SLC4A3: variants seen among roughly 807,000 people sequenced by gnomAD.
The protein encoded by SLC4A3 is anion exchange protein 3.
SLC4A3 carries 47 observed loss-of-function variants against 114.2 expected under a neutral mutation model. The observed-to-expected ratio is 0.41, with a 90% CI of 0.33 to 0.52. SLC4A3 has a LOEUF of 0.52. Among genes scored for constraint, SLC4A3 ranks in the 20% least tolerant of loss-of-function variants. The pLI is 0.21. For missense variants in SLC4A3, 1,312 were observed against 1,668.3 expected (o/e 0.79, Z 3.72); for synonymous variants, 693 against 710.3 (o/e 0.98, Z 0.39).
Position 219,630,459 on chromosome 2 carries a change from C to A in SLC4A3, c.811+107C>A. On this transcript the variant is annotated intron_variant, in intron 6 of 22. Coordinates refer to ENST00000358055, the MANE Select transcript of SLC4A3 (RefSeq NM_005070.4). This position sits in a 1 kb window ranked among gnomAD's most constrained non-coding sequence, Gnocchi z 6.9. The stretch of plus-strand genomic sequence containing the variant: ...TGTCCCCTGCTAAGGGCTGAGTCCT[C>A]TCTGAATCCCTGTCTGCTGGGATGT... 4.2e-6 allele frequency: 5 copies of A among 1,193,944 alleles called. No homozygotes were observed. Among genetic ancestry groups the A allele is most frequent in the Non-Finnish European group, 5.8e-6 (5 of 868,880 alleles). The allele number at this position is 1,193,944 out of a possible 1,614,324, so 74.0% of individuals were successfully genotyped here.
Position 219,636,270 on chromosome 2 carries a change from A to G in SLC4A3, c.2192-32A>G. 6.2e-7 allele frequency: 1 copy of G among 1,611,600 alleles called. No homozygotes were observed. Among genetic ancestry groups the G allele is most frequent in the Non-Finnish European group, 8.5e-7 (1 of 1,179,594 alleles). ...AAGAAGGGGGCAGATAGACAGAGCCAGGCTAGGGCCATCCTACCCGTGCTA... is the reference window on the plus strand; with the variant it reads ...AAGAAGGGGGCAGATAGACAGAGCCGGGCTAGGGCCATCCTACCCGTGCTA... On this transcript the variant is annotated intron_variant, in intron 14 of 22. Coordinates refer to ENST00000358055, the MANE Select transcript of SLC4A3 (RefSeq NM_005070.4). The surrounding 1 kb of genome is among the most constrained non-coding windows in gnomAD (Gnocchi z 5.5).
rs1269223585 is a variant in SLC4A3, at chr2:219,630,424, G to A, written c.811+72G>A. On this transcript the variant is annotated intron_variant, in intron 6 of 22. Coordinates refer to ENST00000358055, the MANE Select transcript of SLC4A3 (RefSeq NM_005070.4). This position sits in a 1 kb window ranked among gnomAD's most constrained non-coding sequence, Gnocchi z 6.9. ...CCCAGCCTGCGAGTGACCTTGGAGAGGCTCTGAGCTGTCCCCTGCTAAGGG... is the reference window on the plus strand; with the variant it reads ...CCCAGCCTGCGAGTGACCTTGGAGAAGCTCTGAGCTGTCCCCTGCTAAGGG... The A allele has an allele frequency of 3.4e-6, 5 of 1,484,912 alleles. No homozygotes were observed. The South Asian group carries it at 3.9e-5, about 11-fold the overall frequency. The allele number at this position is 1,484,912 out of a possible 1,614,324, so 92.0% of individuals were successfully genotyped here.
Position 219,630,269 on chromosome 2 carries a change from A to C in SLC4A3, c.728A>C (p.Asn243Thr), listed in dbSNP as rs1376831483. 6.2e-7 allele frequency: 1 copy of C among 1,613,406 alleles called. No homozygotes were observed. Among genetic ancestry groups the C allele is most frequent in the South Asian group, 1.1e-5 (1 of 91,074 alleles). ...CTGTGCCCAGGCAGTGCCCTGGGCA[A>C]CCCAGGTGGTCCAGAGCAGCAGGTG... ...ERLCPGSALG[N>T]PGGPEQQVPT... Residue 243 changes from asparagine to threonine, a missense_variant, in exon 6 of 23, where the codon AAC becomes ACC. By Grantham distance (65) the Asn-to-Thr change is moderately conservative. Around this residue, in one of 4 missense-constraint regions of SLC4A3, gnomAD observed 771 missense variants for 977.7 expected, o/e 0.79. Coordinates refer to ENST00000358055, the MANE Select transcript of SLC4A3 (RefSeq NM_005070.4). This position sits in a 1 kb window ranked among gnomAD's most constrained non-coding sequence, Gnocchi z 6.9.
At chr2:219,627,837 T>A in intron 1 of SLC4A3, 63 bp from the exon 2 acceptor site, 1 of 587,722 alleles carries the variant, frequency 1.7e-6, no homozygotes, top group Non-Finnish European at 2.9e-6. Flanking sequence ...GCCGGGAGCG[T>A]GCATCCGGCT....
At chr2:219,629,778 C>A in intron 5 of SLC4A3, 83 bp downstream of exon 5, 1 of 881,842 alleles carries the variant, frequency 1.1e-6, no homozygotes, top group Non-Finnish European at 1.7e-6. Context: ...CCTTCCTGAC[C>A]CTGGGGAGTG....
rs1300147045 is a variant in SLC4A3, at chr2:219,628,435, A to T, written c.82A>T (p.Ser28Cys). The T allele has an allele frequency of 6.2e-7, 1 of 1,613,110 alleles. No homozygotes were observed. Among genetic ancestry groups the T allele is most frequent in the Admixed American group, 1.7e-5 (1 of 59,814 alleles). The change falls in exon 3 of 23, where the codon AGT (serine) becomes TGT (cysteine). Residue 28 changes from serine to cysteine, a missense_variant. Ser to Cys is a moderately radical substitution (Grantham distance 112). Around this residue, in one of 4 missense-constraint regions of SLC4A3, gnomAD observed 236 missense variants for 212.1 expected, o/e 1.11. Coordinates refer to ENST00000358055, the MANE Select transcript of SLC4A3 (RefSeq NM_005070.4). The surrounding 1 kb of genome is among the most constrained non-coding windows in gnomAD (Gnocchi z 4.8). ...GGTGCCCTTGGAGGAGCCCCCTCTA[A>T]GTCCAGACGTGGAGGAGGAGGACGA... ...VRVPLEEPPL[S>C]PDVEEEDDDL...
rs751733145 is a variant in SLC4A3 at position 219,636,991 on chromosome 2, G to A, written c.2535+117G>A. 3.2e-6 allele frequency: 3 copies of A among 937,042 alleles called. No individual in the cohort carries two copies. The highest frequency in any genetic ancestry group is 4.9e-6 in the Non-Finnish European group (3 of 612,700). The allele number at this position is 937,042 out of a possible 1,614,324, so 58.0% of individuals were successfully genotyped here. A position where few individuals can be genotyped will look rare whatever the true frequency, so the allele number is the denominator to read the frequency against. On this transcript the variant is annotated intron_variant, in intron 16 of 22. Transcript: ENST00000358055. This position sits in a 1 kb window ranked among gnomAD's most constrained non-coding sequence, Gnocchi z 5.5. ...AGGGGACAAGGAGAGGGACTGTGTT[G>A]GGAGTGAGGGGTTCTAGGGACACCC...
intron 9 of SLC4A3, 67 bp downstream of exon 9, chr2:219,633,076 C>T: frequency 8.3e-6 from 13 of 1,573,080 alleles, no homozygotes; most frequent in Non-Finnish European, 1.1e-5. Context: ...ACATCCTCTT[C>T]CAAGTGGCTC....
intron 12 of SLC4A3, 99 bp from the exon 13 acceptor site, chr2:219,635,171 AC>A: frequency 3.4e-6 from 3 of 876,728 alleles, no homozygotes; most frequent in Non-Finnish European, 5.5e-6. Context: ...CTGAATGTCC[AC>A]CCTGCCTGTA....
At position 219,639,671 on chromosome 2, in the gene SLC4A3, C is replaced by T. The variant is rs1209229430; in HGVS notation, c.3213C>T (p.Asp1071=). The T allele has an allele frequency of 5.0e-6, 8 of 1,612,786 alleles. No homozygotes were observed. The highest frequency in any genetic ancestry group is 1.3e-5 in the African/African-American group (1 of 74,916). ...TVMRTAIAPG[D]KPQIQEVREQ... ...TGCGTACTGCCATCGCGCCTGGTGA[C>T]AAGCCCCAGATCCAGGAGGTGCGGG... The change falls in exon 20 of 23, where the codon GAC becomes GAT. Residue 1071 remains aspartate (D), a synonymous_variant. Coordinates refer to ENST00000358055, the MANE Select transcript of SLC4A3 (RefSeq NM_005070.4). The surrounding 1 kb of genome is among the most constrained non-coding windows in gnomAD (Gnocchi z 5.9).
intron 12 of SLC4A3, among the ~76,000 whole-genome samples, chr2:219,634,827 C>G (rs1254755977): frequency 1.3e-5 from 2 of 152,110 alleles, no homozygotes; most frequent in Admixed American, 1.3e-4. Context: ...AGCCCAGACC[C>G]CAGAGCTTTG....
rs2106196234 is a variant in SLC4A3, at chr2:219,636,102, G to A, written c.2192-200G>A. Among the ~76,000 whole-genome samples, 2 of 152,290 alleles carry A rather than the reference G, an allele frequency of 1.3e-5. No individual in the cohort carries two copies. Among genetic ancestry groups the A allele is most frequent in the East Asian group, 3.9e-4 (2 of 5,176 alleles). The stretch of plus-strand genomic sequence containing the variant: ...TATAAAGTGAGGGTGTGGGAGAGGT[G>A]TAAGGGATGAGGGATCCTGTGATCA... On this transcript the variant is annotated intron_variant, in intron 14 of 22. Transcript: ENST00000358055. This position sits in a 1 kb window ranked among gnomAD's most constrained non-coding sequence, Gnocchi z 5.5.
intron 12 of SLC4A3, 116 bp downstream of exon 12, chr2:219,634,720 C>CCATG: frequency 8.9e-7 from 1 of 1,128,602 alleles, no homozygotes; most frequent in Non-Finnish European, 1.2e-6. Context: ...TGGGTGGAGG[C>CCATG]CATGCCCTGG....
Position 219,629,369 on chromosome 2 carries a change from C to A in SLC4A3, c.443C>A (p.Ser148Tyr). The A allele has an allele frequency of 1.9e-6, 3 of 1,600,844 alleles. No individual in the cohort carries two copies. Among genetic ancestry groups the A allele is most frequent in the Non-Finnish European group, 2.6e-6 (3 of 1,173,198 alleles). Residue 148 changes from serine (S) to tyrosine (Y), a missense_variant, in exon 4 of 23, where the codon TCT becomes TAT. Coordinates refer to ENST00000358055, the MANE Select transcript of SLC4A3 (RefSeq NM_005070.4). ...EEEEEEEEGESEAEPVEPPHS... is the reference protein window; with the variant it reads ...EEEEEEEEGEYEAEPVEPPHS... Reference sequence around the variant, plus strand: ...GAAGAGGAGGAAGAGGAAGGAGAATCTGAGGCAGAACCTGTGGAGCCCCCC... The same window carrying A: ...GAAGAGGAGGAAGAGGAAGGAGAATATGAGGCAGAACCTGTGGAGCCCCCC...
rs1211868446 is a variant in SLC4A3, at chr2:219,635,503, C to G, written c.1972+7C>G. On this transcript the variant is annotated splice_region_variant and intron_variant, in intron 13 of 22. Transcript: ENST00000358055. ...TACACGGCCCCTGGGAAAGGTCAGACCCTTGGAGGCTGAGTGCCCCCAATA... is the reference window on the plus strand; with the variant it reads ...TACACGGCCCCTGGGAAAGGTCAGAGCCTTGGAGGCTGAGTGCCCCCAATA... 1 of 1,597,168 alleles carries G rather than the reference C, an allele frequency of 6.3e-7. No individual in the cohort carries two copies. The highest frequency in any genetic ancestry group is 1.7e-5 in the Admixed American group (1 of 57,954).
At position 219,637,848 on chromosome 2, in the gene SLC4A3, C is replaced by T. The variant is rs967867598; in HGVS notation, c.2766+37C>T. 1.3e-6 allele frequency: 2 copies of T among 1,508,888 alleles called. No individual in the cohort carries two copies. Among genetic ancestry groups the T allele is most frequent in the Admixed American group, 1.7e-5 (1 of 59,752 alleles). 93.5% of individuals were successfully genotyped at this position (1,508,888 alleles called of 1,614,324 possible). On this transcript the variant is annotated intron_variant, in intron 17 of 22. Transcript: ENST00000358055. The surrounding 1 kb of genome is among the most constrained non-coding windows in gnomAD (Gnocchi z 4.6). Reference sequence around the variant, plus strand: ...CTGGGTGTGGAGCCCCCAAGAGTCCCACAATTCCTGCTGTAGGAGCTCCCC... The same window carrying T: ...CTGGGTGTGGAGCCCCCAAGAGTCCTACAATTCCTGCTGTAGGAGCTCCCC...
chr2:219,640,326 G>A (rs894746636), intron 20 of SLC4A3, 104 bp from the exon 21 acceptor site: 21 of 1,324,638 alleles, frequency 1.6e-5, no homozygotes, highest in Non-Finnish European at 1.9e-5. Context: ...CCATCCTCAC[G>A]GGGGCTGTCT....
rs1698934001 is a variant in SLC4A3 at position 219,631,854 on chromosome 2, C to T, written c.812-114C>T. On this transcript the variant is annotated intron_variant, in intron 6 of 22. Coordinates refer to ENST00000358055, the MANE Select transcript of SLC4A3 (RefSeq NM_005070.4). This position sits in a 1 kb window ranked among gnomAD's most constrained non-coding sequence, Gnocchi z 6.3. ...GATTATGTGGTTCCCGTCGGCATGG[C>T]CTGTTGGTGACTGTAGAGCTCACCA... 1 of 1,165,490 alleles carries T rather than the reference C, an allele frequency of 8.6e-7. No individual in the cohort carries two copies. Among genetic ancestry groups the T allele is most frequent in the East Asian group, 2.4e-5 (1 of 42,164 alleles). The allele number at this position is 1,165,490 out of a possible 1,614,324, so 72.2% of individuals were successfully genotyped here. A position where few individuals can be genotyped will look rare whatever the true frequency, so the allele number is the denominator to read the frequency against.
At chr2:219,632,186 C>A in intron 7 of SLC4A3, 70 bp downstream of exon 7, 2 of 1,605,936 alleles carry the variant, frequency 1.2e-6, no homozygotes, top group South Asian at 1.1e-5. Flanking sequence ...CCTCTCTTTG[C>A]CCCCCTGCCT....
Sources: allele counts gnomAD v4.1 joint callset (sites outside exome capture counted in the v4.1 genomes callset), GRCh38; gene constraint gnomAD v4.1.1; regional missense constraint gnomAD v4.1.1; non-coding constraint Gnocchi (gnomAD v3.1); transcripts MANE v1.5; gene names NCBI Gene and HGNC (gene_info 2026-07-23, HGNC 2026-07-21).